Variants in NPAS2 observed in about 807,000 individuals in gnomAD.
NPAS2 encodes the protein neuronal PAS domain protein 2.
NPAS2 carries 23 observed loss-of-function variants against 107.5 expected under a neutral mutation model. The observed-to-expected ratio is 0.21, with a 90% CI of 0.15 to 0.30. NPAS2 has a LOEUF of 0.30. NPAS2 is among the 10% of genes least tolerant of loss of function. The pLI, the probability that NPAS2 is intolerant of heterozygous loss-of-function variation, is 1.00. For missense variants in NPAS2, 756 were observed against 1,043.3 expected (o/e 0.72, Z 3.79); for synonymous variants, 403 against 417.5 (o/e 0.97, Z 0.42).
Position 100,876,785 on chromosome 2 carries a change from C to G in NPAS2, c.-22-27948C>G, listed in dbSNP as rs141233822. On this transcript the variant is annotated intron_variant, in intron 1 of 20. Coordinates refer to ENST00000335681, the MANE Select transcript of NPAS2 (RefSeq NM_002518.4). ...AAACAGGTCCCGGAGCCATGCACAC[C>G]AAGCTCCTAGGGAAGGCAGAGAGCA... Among the ~76,000 whole-genome samples the G allele has an allele frequency of 1.5e-3, 225 of 152,222 alleles. 1 individual carries two copies. The highest frequency in any genetic ancestry group is 5.2e-3 in the African/African-American group (218 of 41,542).
At chr2:100,992,119 A>G (rs928808797) in intron 19 of NPAS2, among the ~76,000 whole-genome samples, 2 of 152,248 alleles carry the variant, frequency 1.3e-5, no homozygotes, top group African/African-American at 2.4e-5. Flanking sequence ...AATGATCCAA[A>G]TAAGTGGAAA....
Position 100,932,911 on chromosome 2 carries a change from A to C in NPAS2, c.183A>C (p.Glu61Asp). ...KVIGFLQKHN[E>D]VSAQTEICDI... The stretch of plus-strand genomic sequence containing the variant: ...GGCTTATTTGTGTCTCTTTTCTAGA[A>C]GTCTCAGCGCAAACGGAAATCTGTG... Residue 61 changes from glutamate (E) to aspartate (D), a missense_variant and splice_region_variant, in exon 4 of 21, where the codon GAA (glutamate) becomes GAC (aspartate). Transcript: ENST00000335681. 1 of 1,611,844 alleles carries C rather than the reference A, an allele frequency of 6.2e-7. No individual in the cohort carries two copies. The highest frequency in any genetic ancestry group is 1.7e-4 in the Middle Eastern group (1 of 6,056).
chr2:100,871,904 C>A (rs968366100), intron 1 of NPAS2, among the ~76,000 whole-genome samples: 4 of 152,176 alleles, frequency 2.6e-5, no homozygotes, highest in Non-Finnish European at 5.9e-5. Context: ...TCATTCCACT[C>A]TTCATGGGTC....
chr2:100,894,913 G>A (rs1486032585), intron 1 of NPAS2, among the ~76,000 whole-genome samples: 1 of 152,174 alleles, frequency 6.6e-6, no homozygotes, highest in African/African-American at 2.4e-5. Context: ...GAATGTACTT[G>A]GTTATGTCCT....
rs543802688 is a variant in NPAS2, at chr2:100,995,716, A to G, written c.*134A>G. 1.0e-5 allele frequency: 16 copies of G among 1,549,620 alleles called. No individual in the cohort carries two copies. The South Asian group carries it at 1.9e-4, about 19-fold the overall frequency. On this transcript the variant is annotated 3_prime_UTR_variant, in exon 21 of 21. Coordinates refer to ENST00000335681, the MANE Select transcript of NPAS2 (RefSeq NM_002518.4). ...ACTGCATACGTTTCAGAACTCCTGG[A>G]TGGTAACCATCTCTGGAGTGCAGCG...
intron 1 of NPAS2, among the ~76,000 whole-genome samples, chr2:100,898,494 A>G (rs1681563813): frequency 2.0e-5 from 3 of 152,230 alleles, no homozygotes; most frequent in Admixed American, 6.5e-5. Flanking sequence ...TTACTGCACA[A>G]CTTTAGGAGT....
intron 1 of NPAS2, among the ~76,000 whole-genome samples, chr2:100,824,115 G>A (rs1201299741): frequency 6.6e-6 from 1 of 152,180 alleles, no homozygotes; most frequent in African/African-American, 2.4e-5. Flanking sequence ...ACTGTTGATA[G>A]GAGAGAGGAG....
chr2:100,828,809 T>C (rs1351946227), intron 1 of NPAS2, among the ~76,000 whole-genome samples: 1 of 152,218 alleles, frequency 6.6e-6, no homozygotes, highest in Non-Finnish European at 1.5e-5. Context: ...CCTTATAGTA[T>C]AGTTAGAAGT....
rs1432175988 is a variant in NPAS2 at position 100,820,738 on chromosome 2, A to G, written c.-23+324A>G. On this transcript the variant is annotated intron_variant, in intron 1 of 20. Coordinates refer to ENST00000335681, the MANE Select transcript of NPAS2 (RefSeq NM_002518.4). The surrounding 1 kb of genome is among the most constrained non-coding windows in gnomAD (Gnocchi z 5.6). Reference sequence around the variant, plus strand: ...TTTGGGGGTCCTCGGGGTGTCCGACAGGGTGGAGAAGGATCGTGCCCCAGG... The same window carrying G: ...TTTGGGGGTCCTCGGGGTGTCCGACGGGGTGGAGAAGGATCGTGCCCCAGG... Among the ~76,000 whole-genome samples the G allele has an allele frequency of 6.6e-6, 1 of 152,160 alleles. No homozygotes were observed. Among genetic ancestry groups the G allele is most frequent in the Admixed American group, 6.5e-5 (1 of 15,292 alleles).
chr2:100,975,693 G>A, intron 14 of NPAS2, 126 bp downstream of exon 14: 1 of 614,066 alleles, frequency 1.6e-6, no homozygotes, highest in Non-Finnish European at 2.7e-6. Flanking sequence ...GTGTAGGGTG[G>A]CAGATGGGGG....
intron 2 of NPAS2, 41 bp downstream of exon 2, chr2:100,904,827 C>G (rs142148064): frequency 1.4e-6 from 2 of 1,470,086 alleles, no homozygotes; most frequent in Non-Finnish European, 1.9e-6. Flanking sequence ...AGCTCTCTGG[C>G]CCCCGGGGGT....
intron 5 of NPAS2, among the ~76,000 whole-genome samples, chr2:100,940,585 C>A (rs1184779752): frequency 6.6e-6 from 1 of 152,168 alleles, no homozygotes; most frequent in African/African-American, 2.4e-5. Context: ...CGCATAGAAC[C>A]GTGCCTGGCC....
At chr2:100,891,445 T>C (rs1261815801) in intron 1 of NPAS2, among the ~76,000 whole-genome samples, 5 of 152,138 alleles carry the variant, frequency 3.3e-5, no homozygotes, top group Non-Finnish European at 7.4e-5. Flanking sequence ...CCACCTGTTC[T>C]CGTTCTAAAG....
At chr2:100,988,437 T>G in intron 17 of NPAS2, 161 bp downstream of exon 17, 1 of 631,828 alleles carries the variant, frequency 1.6e-6, no homozygotes, top group Non-Finnish European at 2.8e-6. Context: ...CTTTTCCTTC[T>G]TCTGTTAAAG....
At chr2:100,969,842 A>G (rs908293974) in intron 11 of NPAS2, among the ~76,000 whole-genome samples, 5 of 152,144 alleles carry the variant, frequency 3.3e-5, no homozygotes, top group African/African-American at 1.2e-4. Flanking sequence ...ACCTAAACGT[A>G]TCTGAACACA....
chr2:100,949,534 C>A, intron 7 of NPAS2, 54 bp downstream of exon 7: 1 of 1,012,926 alleles, frequency 9.9e-7, no homozygotes, highest in Non-Finnish European at 1.6e-6. Context: ...TGCAAACGTG[C>A]ACATGGGGGC....
At chr2:100,988,655 T>G (rs2105310372) in intron 17 of NPAS2, 1 of 324,924 alleles carries the variant, frequency 3.1e-6, no homozygotes, top group East Asian at 9.4e-5. Context: ...CGCCATCTAC[T>G]CTGGTTTTAA....
intron 1 of NPAS2, among the ~76,000 whole-genome samples, chr2:100,830,943 T>A (rs1676690096): frequency 6.6e-6 from 1 of 152,100 alleles, no homozygotes; most frequent in Non-Finnish European, 1.5e-5. Context: ...AGAGGTTTTT[T>A]GAGGAGGTGG....
Position 100,927,316 on chromosome 2 carries a change from G to A in NPAS2, c.181+2022G>A, listed in dbSNP as rs140914402. On this transcript the variant is annotated intron_variant, in intron 3 of 20. Coordinates refer to ENST00000335681, the MANE Select transcript of NPAS2 (RefSeq NM_002518.4). ...TTCGTTTTTGTAGATGTCGTAAGGT[G>A]GGCTATGAAAATTCATCCTTTTGCA... Among the ~76,000 whole-genome samples, 1,148 of 152,244 alleles carry A rather than the reference G, an allele frequency of 7.5e-3. 13 individuals carry two copies. Among genetic ancestry groups the A allele is most frequent in the African/African-American group, 0.025 (1,019 of 41,534 alleles).
Sources: allele counts gnomAD v4.1 joint callset (sites outside exome capture counted in the v4.1 genomes callset), GRCh38; gene constraint gnomAD v4.1.1; non-coding constraint Gnocchi (gnomAD v3.1); transcripts MANE v1.5; gene names NCBI Gene and HGNC (gene_info 2026-07-23, HGNC 2026-07-21).